Variants in MINDY4 observed in about 807,000 individuals in gnomAD.
The protein encoded by MINDY4 is probable ubiquitin carboxyl-terminal hydrolase MINDY-4.
Under a neutral mutation model 87.0 loss-of-function variants are expected in MINDY4, and 68 were observed. The observed-to-expected ratio is 0.78, with a 90% CI of 0.64 to 0.96. The LOEUF (loss-of-function observed/expected upper bound fraction) is 0.96. Among genes scored for constraint, MINDY4 ranks in the 40% least tolerant of loss-of-function variants. The probability of loss-of-function intolerance (pLI) is 0.00; values close to 1 mark genes in which losing one functional copy is unlikely to be tolerated. For synonymous variants in MINDY4, 379 were observed against 363.2 expected (o/e 1.04, Z -0.50); for missense variants, 919 against 928.2 (o/e 0.99, Z 0.13).
intron 13 of MINDY4, among the ~76,000 whole-genome samples, chr7:30,865,047 G>A (rs1789890483): frequency 6.6e-6 from 1 of 152,176 alleles, no homozygotes; most frequent in African/African-American, 2.4e-5. Flanking sequence ...ATGCTCGTCA[G>A]CTTACCTGGG....
chr7:30,829,818 G>A (rs757981733), intron 6 of MINDY4, among the ~76,000 whole-genome samples: 12 of 152,200 alleles, frequency 7.9e-5, no homozygotes, highest in African/African-American at 1.2e-4. Flanking sequence ...AAAGCTGCTT[G>A]TGTTTGGACA....
At chr7:30,845,535 AAG>A (rs1213506043) in intron 9 of MINDY4, among the ~76,000 whole-genome samples, 1,801 of 150,704 alleles carry the variant, frequency 0.012, 37 homozygotes, top group African/African-American at 0.042. Context: ...AAAAAAAAAA[AAG>A]GGCAAGCTCT....
At chr7:30,874,172 C>G (rs1767680335) in intron 14 of MINDY4, among the ~76,000 whole-genome samples, 1 of 152,242 alleles carries the variant, frequency 6.6e-6, no homozygotes, top group African/African-American at 2.4e-5. Flanking sequence ...CAGGCAGCGC[C>G]AGCTGTGGCA....
intron 13 of MINDY4, 141 bp downstream of exon 13, chr7:30,859,465 T>A (rs572121066): frequency 5.3e-4 from 414 of 779,380 alleles, no homozygotes; most frequent in Non-Finnish European, 8.2e-4. Context: ...AGCAGTGGAG[T>A]AGGGGAAGGT....
intron 5 of MINDY4, 110 bp downstream of exon 5, chr7:30,791,684 C>G: frequency 5.1e-6 from 6 of 1,184,658 alleles, no homozygotes; most frequent in African/African-American, 1.5e-5. Flanking sequence ...CTTGGTCTCT[C>G]AGAACAAGCC....
chr7:30,819,410 T>C (rs1408003862), intron 5 of MINDY4, among the ~76,000 whole-genome samples: 2 of 152,248 alleles, frequency 1.3e-5, no homozygotes, highest in African/African-American at 2.4e-5. Flanking sequence ...ACATAATATG[T>C]GGACTGCTGT....
At chr7:30,826,403 G>C (rs1163755095) in intron 5 of MINDY4, among the ~76,000 whole-genome samples, 1 of 152,156 alleles carries the variant, frequency 6.6e-6, no homozygotes, top group East Asian at 1.9e-4. Flanking sequence ...GTTCTTTGGA[G>C]CTGAGAAGAA....
chr7:30,817,031 C>T (rs981437552), intron 5 of MINDY4, among the ~76,000 whole-genome samples: 1 of 152,206 alleles, frequency 6.6e-6, no homozygotes, highest in African/African-American at 2.4e-5. Flanking sequence ...CATGAGACCT[C>T]ATGTTCTTTA....
intron 1 of MINDY4, 101 bp downstream of exon 1, chr7:30,771,657 TC>T: frequency 8.7e-7 from 1 of 1,147,426 alleles, no homozygotes; most frequent in Non-Finnish European, 1.2e-6. Context: ...GGGCGCCCGT[TC>T]CCTACCTACT....
intron 9 of MINDY4, among the ~76,000 whole-genome samples, chr7:30,842,759 A>G (rs993821757): frequency 2.6e-5 from 4 of 152,204 alleles, no homozygotes; most frequent in African/African-American, 9.7e-5. Context: ...AAGGATGGAC[A>G]GAACCCCTGA....
rs775572814 is a variant in MINDY4, at chr7:30,778,523, A to G, written c.155A>G (p.His52Arg). 4 of 1,614,136 alleles carry G rather than the reference A, an allele frequency of 2.5e-6. No individual in the cohort carries two copies. The highest frequency in any genetic ancestry group is 1.7e-5 in the Admixed American group (1 of 60,010). ...AGAAATGATCTTCGAAAGGTTTTGCATCTTGAATTTCTCTATAAGGAGAAC... is the reference window on the plus strand; with the variant it reads ...AGAAATGATCTTCGAAAGGTTTTGCGTCTTGAATTTCTCTATAAGGAGAAC... ...NNRNDLRKVL[H>R]LEFLYKENKA... is the part of the protein sequence containing the mutation. The change falls in exon 2 of 18, where the codon CAT (histidine) becomes CGT (arginine). Residue 52 changes from histidine to arginine, a missense_variant. Transcript: ENST00000265299.
chr7:30,793,667 C>T (rs980450638), intron 5 of MINDY4, among the ~76,000 whole-genome samples: 1 of 152,178 alleles, frequency 6.6e-6, no homozygotes, highest in South Asian at 2.1e-4. Context: ...GCCAGCCTCC[C>T]ATCGTGGGCC....
Position 30,852,283 on chromosome 7 carries a change from C to A in MINDY4, c.1611+4C>A. 1.2e-6 allele frequency: 2 copies of A among 1,614,010 alleles called. No homozygotes were observed. The highest frequency in any genetic ancestry group is 1.7e-6 in the Non-Finnish European group (2 of 1,179,936). ...AGCAGATGGAGTCTTAGAAACAGTA[C>A]GACTTTCTGGAAAATTATCACGCAA... On this transcript the variant is annotated splice_donor_region_variant and intron_variant, in intron 11 of 17. Transcript: ENST00000265299.
intron 4 of MINDY4, among the ~76,000 whole-genome samples, chr7:30,788,798 G>A (rs896411412): frequency 2.0e-5 from 3 of 152,172 alleles, no homozygotes; most frequent in Admixed American, 6.5e-5. Flanking sequence ...TCCACGGTCA[G>A]CGGAATGCCT....
Position 30,771,566 on chromosome 7 carries a change from C to T in MINDY4, c.63+10C>T. 6.3e-7 allele frequency: 1 copy of T among 1,586,236 alleles called. No homozygotes were observed. The highest frequency in any genetic ancestry group is 8.6e-7 in the Non-Finnish European group (1 of 1,167,332). ...GTTCCTCAGCAGAAAGGTAACGGCT[C>T]GCCCCCTCCAAAGCCCAGGAAGTGG... On this transcript the variant is annotated intron_variant, in intron 1 of 17. Transcript: ENST00000265299.
At chr7:30,774,513 C>G (rs1786748663) in intron 1 of MINDY4, among the ~76,000 whole-genome samples, 1 of 151,582 alleles carries the variant, frequency 6.6e-6, no homozygotes. Flanking sequence ...ATTATTTCCT[C>G]CCTTTCTATA....
chr7:30,772,295 C>T (rs890543060), intron 1 of MINDY4, among the ~76,000 whole-genome samples: 4 of 152,066 alleles, frequency 2.6e-5, no homozygotes, highest in African/African-American at 9.7e-5. Flanking sequence ...TCATACTGGG[C>T]TAGGGCGATG....
chr7:30,782,622 G>C (rs924320398), intron 3 of MINDY4, among the ~76,000 whole-genome samples: 2 of 152,074 alleles, frequency 1.3e-5, no homozygotes, highest in African/African-American at 4.8e-5. Flanking sequence ...AAGATCACCT[G>C]AGCCCAGGAG....
intron 5 of MINDY4, among the ~76,000 whole-genome samples, chr7:30,822,178 CT>C (rs983445282): frequency 7.0e-4 from 95 of 134,916 alleles, no homozygotes; most frequent in Middle Eastern, 3.8e-3. Context: ...TTCTTTCTTT[CT>C]TTTTTTTTTT....
Sources: gnomAD v4.1 joint callset for allele counts (sites outside exome capture counted in the v4.1 genomes callset) on GRCh38, gnomAD v4.1.1 for gene constraint, MANE v1.5 for transcripts, NCBI Gene and HGNC (gene_info 2026-07-23, HGNC 2026-07-21) for gene names.